ZNF879: variants seen among roughly 807,000 people sequenced by gnomAD.
ZNF879 encodes the protein zinc finger protein 879.
Under a neutral mutation model 44.3 loss-of-function variants are expected in ZNF879, and 32 were observed. The observed-to-expected ratio is 0.72, with a 90% CI of 0.54 to 0.97. The LOEUF (loss-of-function observed/expected upper bound fraction) is 0.97. Among genes scored for constraint, ZNF879 ranks in the 50% least tolerant of loss-of-function variants. ZNF879 has a pLI of 0.00. For synonymous variants in ZNF879, 234 were observed against 233.2 expected, an observed-to-expected ratio of 1.00 and a Z score of -0.03; for missense variants, 621 against 669.7, an observed-to-expected ratio of 0.93 and a Z score of 0.80.
rs1363817060 is a variant in ZNF879, at chr5:179,033,965, T to C, written c.*325T>C. On this transcript the variant is annotated 3_prime_UTR_variant, in exon 5 of 5. Coordinates refer to ENST00000444149, the MANE Select transcript of ZNF879 (RefSeq NM_001136116.3). The stretch of plus-strand genomic sequence containing the variant: ...GCATCACTGGGAAGCCTGCTGTTTA[T>C]GTACAAGTACAGCCATAAAATCCAG... 5.0e-6 allele frequency: 1 copy of C among 198,034 alleles called. No individual in the cohort carries two copies. The highest frequency in any genetic ancestry group is 1.2e-4 in the East Asian group (1 of 8,102). The allele number at this position is 198,034 out of a possible 1,614,324, so 12.3% of individuals were successfully genotyped here. A position where few individuals can be genotyped will look rare whatever the true frequency, so the allele number is the denominator to read the frequency against.
In ZNF879 at chr5:179,032,456, C is replaced by T. The variant is rs1761445041; in HGVS notation, c.508C>T (p.Leu170Phe). ...GAAAAATCTTGGTCTAAAATCATCG[C>T]TTATTAGAAAACCGAGAATAGTTTC... ...FGKNLGLKSS[L>F]IRKPRIVSRG... The change falls in exon 5 of 5, where the codon CTT becomes TTT. Residue 170 changes from leucine (L) to phenylalanine (F), a missense_variant. Leu to Phe is a conservative substitution (Grantham distance 22). Coordinates refer to ENST00000444149, the MANE Select transcript of ZNF879 (RefSeq NM_001136116.3). 2 of 1,551,656 alleles carry T rather than the reference C, an allele frequency of 1.3e-6. No homozygotes were observed. The highest frequency in any genetic ancestry group is 1.7e-6 in the Non-Finnish European group (2 of 1,146,978).
At position 179,024,152 on chromosome 5, in the gene ZNF879, C is replaced by T. The variant is rs575419924; in HGVS notation, c.-36+248C>T. Among the ~76,000 whole-genome samples the T allele has an allele frequency of 5.9e-5, 9 of 152,318 alleles. No individual in the cohort carries two copies. The South Asian group carries it at 1.9e-3, about 32-fold the overall frequency. ...GGGCCGGACTCCGGGGGAAACGGCT[C>T]CAGAACAGAAACTGCAAAATGCCGC... On this transcript the variant is annotated intron_variant, in intron 1 of 4. Coordinates refer to ENST00000444149, the MANE Select transcript of ZNF879 (RefSeq NM_001136116.3).
At chr5:179,027,219 A>G (rs772640563) in intron 2 of ZNF879, among the ~76,000 whole-genome samples, 22 of 152,266 alleles carry the variant, frequency 1.4e-4, no homozygotes, top group Middle Eastern at 3.4e-3. Flanking sequence ...TTCCAAATCT[A>G]AAGTTCAGTG....
Position 179,032,516 on chromosome 5 carries a change from G to A in ZNF879, c.568G>A (p.Val190Ile). 1 of 1,551,716 alleles carries A rather than the reference G, an allele frequency of 6.4e-7. No individual in the cohort carries two copies. The highest frequency in any genetic ancestry group is 2.0e-5 in the Admixed American group (1 of 51,012). Residue 190 changes from valine (V) to isoleucine (I), a missense_variant, in exon 5 of 5, where the codon GTT (valine) becomes ATT (isoleucine). Transcript: ENST00000444149. ...GRRPRSQQYS[V>I]LFKQLGVNTV... ...GAGACCCCGTTCACAGCAGTATTCA[G>A]TTCTCTTTAAACAACTGGGGGTCAA...
At chr5:179,025,778 A>G (rs888217552) in intron 2 of ZNF879, among the ~76,000 whole-genome samples, 1 of 152,080 alleles carries the variant, frequency 6.6e-6, no homozygotes, top group African/African-American at 2.4e-5. Flanking sequence ...TTAGCTAGGG[A>G]TGGTGGTGCA....
chr5:179,026,367 A>T (rs1761270629), intron 2 of ZNF879, among the ~76,000 whole-genome samples: 1 of 152,236 alleles, frequency 6.6e-6, no homozygotes, highest in South Asian at 2.1e-4. Flanking sequence ...AAATCACCTG[A>T]AGAGACATAG....
Position 179,032,735 on chromosome 5 carries a change from A to G in ZNF879, c.787A>G (p.Ser263Gly), listed in dbSNP as rs1262171510. The change falls in exon 5 of 5, where the codon AGT (serine) becomes GGT (glycine). Residue 263 changes from serine (S) to glycine (G), a missense_variant. Coordinates refer to ENST00000444149, the MANE Select transcript of ZNF879 (RefSeq NM_001136116.3). ...VHTGEKPYICSECGKAFSFTT... is the reference protein window; with the variant it reads ...VHTGEKPYICGECGKAFSFTT... ...TACAGGAGAGAAACCTTATATATGT[A>G]GTGAATGTGGAAAAGCCTTCAGTTT... 1 of 1,555,254 alleles carries G rather than the reference A, an allele frequency of 6.4e-7. No individual in the cohort carries two copies. Among genetic ancestry groups the G allele is most frequent in the East Asian group, 2.4e-5 (1 of 41,122 alleles).
chr5:179,032,602 C>G lies in ZNF879; in HGVS notation c.654C>G (p.Ser218=), dbSNP rs1561737108. Residue 218 remains serine (S), a synonymous_variant, in exon 5 of 5, where the codon TCC becomes TCG. Transcript: ENST00000444149. ...ICGKIFLHSS[S]LSKHQRIHTG... is the part of the protein sequence containing the mutation. Reference sequence around the variant, plus strand: ...GGAAAATCTTCCTCCACAGTTCCTCCCTGAGTAAACACCAGAGAATCCACA... The same window carrying G: ...GGAAAATCTTCCTCCACAGTTCCTCGCTGAGTAAACACCAGAGAATCCACA... The G allele has an allele frequency of 6.4e-7, 1 of 1,560,850 alleles. No homozygotes were observed. Among genetic ancestry groups the G allele is most frequent in the Non-Finnish European group, 8.7e-7 (1 of 1,152,576 alleles).
chr5:179,028,659 G>A (rs964483470), intron 4 of ZNF879, among the ~76,000 whole-genome samples: 1 of 152,162 alleles, frequency 6.6e-6, no homozygotes, highest in Non-Finnish European at 1.5e-5. Flanking sequence ...CGGAATGTGA[G>A]TGGGCTTCCG....
chr5:179,027,423 C>G, intron 2 of ZNF879, 50 bp from the exon 3 acceptor site: 2 of 1,605,328 alleles, frequency 1.2e-6, no homozygotes, highest in Non-Finnish European at 1.7e-6. Context: ...TCTCAGTCTT[C>G]TCGTTGTGGG....
At chr5:179,027,017 G>C (rs1242380891) in intron 2 of ZNF879, among the ~76,000 whole-genome samples, 1 of 152,194 alleles carries the variant, frequency 6.6e-6, no homozygotes. Flanking sequence ...GTGAATGTCA[G>C]TGTCATCTTT....
In ZNF879 at chr5:179,034,867, C is replaced by A. The variant is rs1043707093; in HGVS notation, c.*1227C>A. On this transcript the variant is annotated 3_prime_UTR_variant, in exon 5 of 5. Coordinates refer to ENST00000444149, the MANE Select transcript of ZNF879 (RefSeq NM_001136116.3). Reference sequence around the variant, plus strand: ...GGCAAGCACTTAAGGGCTGAAACGACCCATTTCATAAAGTGCTAAGTTTTT... The same window carrying A: ...GGCAAGCACTTAAGGGCTGAAACGAACCATTTCATAAAGTGCTAAGTTTTT... 1 of 152,058 alleles carries A rather than the reference C, an allele frequency of 6.6e-6. No homozygotes were observed. The highest frequency in any genetic ancestry group is 2.4e-5 in the African/African-American group (1 of 41,400). 9.4% of individuals were successfully genotyped at this position (152,058 alleles called of 1,614,324 possible). A position where few individuals can be genotyped will look rare whatever the true frequency, so the allele number is the denominator to read the frequency against.
intron 2 of ZNF879, 127 bp downstream of exon 2, chr5:179,025,164 A>T: frequency 9.7e-7 from 1 of 1,030,346 alleles, no homozygotes; most frequent in East Asian, 2.6e-5. Context: ...GTAGCTGAGA[A>T]ACTCTGGAAG....
At chr5:179,024,765 C>CT in intron 1 of ZNF879, 1 of 550,522 alleles carries the variant, frequency 1.8e-6, no homozygotes, top group South Asian at 2.5e-5. Context: ...TCGTAAAGCA[C>CT]TGGCAGAAAG....
chr5:179,033,522 C>A lies in ZNF879; in HGVS notation c.1574C>A (p.Ser525Ter). 6.4e-7 allele frequency: 1 copy of A among 1,556,136 alleles called. No homozygotes were observed. The highest frequency in any genetic ancestry group is 8.7e-7 in the Non-Finnish European group (1 of 1,149,774). The change falls in exon 5 of 5, where the codon TCA becomes TAA. Residue 525 changes from serine to a stop codon, truncating the protein, a stop_gained. Coordinates refer to ENST00000444149, the MANE Select transcript of ZNF879 (RefSeq NM_001136116.3). LOFTEE classifies it high-confidence loss of function. ...TGTGGGAAAGCCTTCAGACAGAGTT[C>A]ATCCCTTATGACACACATGAGAATT... is the stretch of plus-strand genomic sequence containing the variant. Reference protein sequence around the residue: ...KVCGKAFRQSSSLMTHMRIHT... With the variant: ...KVCGKAFRQS
chr5:179,030,193 A>G (rs1761384248), intron 4 of ZNF879, among the ~76,000 whole-genome samples: 1 of 152,246 alleles, frequency 6.6e-6, no homozygotes. Context: ...GGATTAAGAA[A>G]TAGATACCCA....
intron 1 of ZNF879, 57 bp from the exon 2 acceptor site, chr5:179,024,913 T>G: frequency 2.2e-6 from 3 of 1,370,924 alleles, no homozygotes; most frequent in Non-Finnish European, 3.0e-6. Context: ...TCTGGCCTAA[T>G]GAGGGTGGGC....
intron 4 of ZNF879, 113 bp downstream of exon 4, chr5:179,028,240 G>A: frequency 1.1e-6 from 1 of 909,636 alleles, no homozygotes; most frequent in South Asian, 1.5e-5. Context: ...GGAAATGCTG[G>A]GAAGGTAGAT....
chr5:179,028,722 A>G (rs780760693), intron 4 of ZNF879, among the ~76,000 whole-genome samples: 4 of 152,210 alleles, frequency 2.6e-5, no homozygotes, highest in Non-Finnish European at 5.9e-5. Flanking sequence ...AAAATAATGC[A>G]TCCCAGATCC....
Sources: allele counts gnomAD v4.1 joint callset (sites outside exome capture counted in the v4.1 genomes callset), GRCh38; gene constraint gnomAD v4.1.1; transcripts MANE v1.5; gene names NCBI Gene and HGNC (gene_info 2026-07-23, HGNC 2026-07-21).